MACROD2: variants seen among roughly 807,000 people sequenced by gnomAD.
MACROD2 encodes mono-ADP ribosylhydrolase 2.
In MACROD2, 36 loss-of-function variants were observed where a neutral mutation model predicts 70.4. The observed-to-expected ratio is 0.51, with a 90% CI of 0.39 to 0.68. The LOEUF is 0.68. Ranked by LOEUF, MACROD2 falls within the 30% of genes least tolerant of loss-of-function variation. The pLI, the probability that MACROD2 is intolerant of heterozygous loss-of-function variation, is 0.00. For synonymous variants in MACROD2, 172 were observed against 178.8 expected (o/e 0.96, Z 0.30); for missense variants, 496 against 538.4 (o/e 0.92, Z 0.78).
intron 4 of MACROD2, among the ~76,000 whole-genome samples, chr20:14,542,610 C>T (rs2085447839): frequency 6.6e-6 from 1 of 152,010 alleles, no homozygotes; most frequent in African/African-American, 2.4e-5. Flanking sequence ...CATATGCATG[C>T]AAAAGTATTT....
chr20:14,540,735 A>G lies in MACROD2; in HGVS notation c.301+47227A>G, dbSNP rs62202887. ...TTGAGCTTCTGAGCAAGAAAATCCT[A>G]TATCAAGGTACATTAGCACCACCTG... is the stretch of plus-strand genomic sequence containing the variant. On this transcript the variant is annotated intron_variant, in intron 4 of 17. Transcript: ENST00000684519. Among the ~76,000 whole-genome samples, 774 of 152,312 alleles carry G rather than the reference A, an allele frequency of 5.1e-3. 11 individuals carry two copies. Among genetic ancestry groups the G allele is most frequent in the Admixed American group, 9.1e-3 (139 of 15,298 alleles).
chr20:14,693,332 G>T (rs926869487), intron 5 of MACROD2, among the ~76,000 whole-genome samples: 7 of 152,166 alleles, frequency 4.6e-5, no homozygotes, highest in African/African-American at 1.7e-4. Context: ...CATCAGAATG[G>T]CTTTGAGTAA....
chr20:14,918,618 T>TG (rs1491265647), intron 5 of MACROD2, among the ~76,000 whole-genome samples: 2 of 114,272 alleles, frequency 1.8e-5, no homozygotes, highest in African/African-American at 5.2e-5. Flanking sequence ...GTTTTTTTTG[T>TG]TTTTTTTTTT....
At chr20:14,484,659 T>G (rs1178529904) in intron 3 of MACROD2, among the ~76,000 whole-genome samples, 3 of 152,200 alleles carry the variant, frequency 2.0e-5, no homozygotes, top group Non-Finnish European at 4.4e-5. Context: ...ATTTTAATTT[T>G]TAGCTCCCAC....
At chr20:14,727,494 C>T (rs535222511) in intron 5 of MACROD2, among the ~76,000 whole-genome samples, 1 of 151,766 alleles carries the variant, frequency 6.6e-6, no homozygotes, top group East Asian at 1.9e-4. Context: ...ATGATTACTC[C>T]ATGACATTCC....
At chr20:15,440,522 T>C (rs2046482096) in intron 7 of MACROD2, among the ~76,000 whole-genome samples, 1 of 152,198 alleles carries the variant, frequency 6.6e-6, no homozygotes. Flanking sequence ...CGCAATGTTA[T>C]GTTAACCTTG....
chr20:15,360,010 C>T (rs1490966308), intron 6 of MACROD2, among the ~76,000 whole-genome samples: 3 of 152,164 alleles, frequency 2.0e-5, no homozygotes, highest in Non-Finnish European at 4.4e-5. Context: ...CTCACTCCCA[C>T]CCACACCATC....
chr20:15,522,678 T>C (rs966141311), intron 8 of MACROD2, among the ~76,000 whole-genome samples: 14 of 152,146 alleles, frequency 9.2e-5, no homozygotes, highest in Admixed American at 9.2e-4. Context: ...ACCGTAAGTA[T>C]ATAGGCAAAT....
chr20:15,221,897 G>A (rs1225059069), intron 5 of MACROD2, among the ~76,000 whole-genome samples: 1 of 152,210 alleles, frequency 6.6e-6, no homozygotes, highest in Non-Finnish European at 1.5e-5. Context: ...AGCTTTGGCA[G>A]TGCATTCTGT....
chr20:15,348,001 C>A (rs2078185108), intron 6 of MACROD2, among the ~76,000 whole-genome samples: 1 of 152,172 alleles, frequency 6.6e-6, no homozygotes, highest in Non-Finnish European at 1.5e-5. Context: ...ACGTACTCAC[C>A]AACCCCATTT....
At chr20:15,967,674 G>GAA in intron 13 of MACROD2, 44 bp downstream of exon 13, 1 of 1,115,172 alleles carries the variant, frequency 9.0e-7, no homozygotes, top group Non-Finnish European at 1.2e-6. Flanking sequence ...TCTTCTGCTG[G>GAA]GAAACAGAAA....
At chr20:14,248,721 A>G (rs772556214) in intron 3 of MACROD2, among the ~76,000 whole-genome samples, 3 of 152,192 alleles carry the variant, frequency 2.0e-5, no homozygotes, top group Non-Finnish European at 4.4e-5. Flanking sequence ...ATGTATATGC[A>G]GATATTCCAA....
chr20:15,136,801 G>A (rs916343705), intron 5 of MACROD2, among the ~76,000 whole-genome samples: 32 of 152,088 alleles, frequency 2.1e-4, no homozygotes, highest in South Asian at 8.3e-4. Context: ...GAAAATTTTC[G>A]CAACCTACTC....
intron 8 of MACROD2, among the ~76,000 whole-genome samples, chr20:15,629,072 C>T (rs1386392865): frequency 6.6e-6 from 1 of 152,122 alleles, no homozygotes; most frequent in Non-Finnish European, 1.5e-5. Flanking sequence ...GGTATGAATA[C>T]TCTTGTATTC....
At chr20:14,225,631 G>T (rs1463389930) in intron 3 of MACROD2, among the ~76,000 whole-genome samples, 1 of 152,124 alleles carries the variant, frequency 6.6e-6, no homozygotes, top group East Asian at 1.9e-4. Flanking sequence ...AGTCGCAAGT[G>T]TAGTTTGCTA....
At chr20:14,022,560 T>G (rs1260419208) in intron 2 of MACROD2, among the ~76,000 whole-genome samples, 1 of 152,020 alleles carries the variant, frequency 6.6e-6, no homozygotes, top group African/African-American at 2.4e-5. Context: ...TCATCTACAT[T>G]AGGTATTTCT....
intron 3 of MACROD2, among the ~76,000 whole-genome samples, chr20:14,278,792 T>G (rs2082280239): frequency 6.6e-6 from 1 of 152,166 alleles, no homozygotes; most frequent in African/African-American, 2.4e-5. Flanking sequence ...GAGTTCTGCC[T>G]CATGAGTACA....
At chr20:14,632,590 A>G (rs950445554) in intron 4 of MACROD2, among the ~76,000 whole-genome samples, 2 of 152,196 alleles carry the variant, frequency 1.3e-5, no homozygotes, top group African/African-American at 4.8e-5. Flanking sequence ...TAGTATCTCA[A>G]TACCAACCTG....
At position 14,900,106 on chromosome 20, in the gene MACROD2, T is replaced by C. The variant is rs539528457; in HGVS notation, c.418+215147T>C. On this transcript the variant is annotated intron_variant, in intron 5 of 17. Coordinates refer to ENST00000684519, the MANE Select transcript of MACROD2 (RefSeq NM_001351661.2). ...TATCTTTGATTCTTTTAATAATATA[T>C]ATTACATGATTACTTTTCATATGTT... 2.7e-3 allele frequency among the ~76,000 whole-genome samples: 413 copies of C among 152,238 alleles called. 3 individuals are homozygous for C. Among genetic ancestry groups the C allele is most frequent in the Non-Finnish European group, 4.4e-3 (298 of 67,990 alleles).
Sources: allele counts gnomAD v4.1 joint callset (sites outside exome capture counted in the v4.1 genomes callset), GRCh38; gene constraint gnomAD v4.1.1; transcripts MANE v1.5; gene names NCBI Gene and HGNC (gene_info 2026-07-23, HGNC 2026-07-21).